Variants in PDE4B observed in about 807,000 individuals in gnomAD.
The protein encoded by PDE4B is phosphodiesterase 4B, also known as 3',5'-cyclic-AMP phosphodiesterase 4B.
PDE4B carries 20 observed loss-of-function variants against 82.2 expected under a neutral mutation model. The ratio of observed to expected loss-of-function variants is 0.24; its 90% CI spans 0.17 to 0.35. The LOEUF (loss-of-function observed/expected upper bound fraction) is 0.35. PDE4B is among the 10% of genes least tolerant of loss of function. The probability of loss-of-function intolerance (pLI) is 1.00; values close to 1 mark genes in which losing one functional copy is unlikely to be tolerated. For synonymous variants in PDE4B, 320 were observed against 318.9 expected, an observed-to-expected ratio of 1.00 and a Z score of -0.04; for missense variants, 655 against 907.2, an observed-to-expected ratio of 0.72 and a Z score of 3.57.
At chr1:66,074,286 A>C (rs1415050342) in intron 3 of PDE4B, among the ~76,000 whole-genome samples, 2 of 152,098 alleles carry the variant, frequency 1.3e-5, no homozygotes, top group African/African-American at 4.8e-5. Context: ...TTTTGTGAGG[A>C]ATTGTCAGGT....
chr1:66,250,054 A>G (rs1231364686), intron 4 of PDE4B, among the ~76,000 whole-genome samples: 1 of 152,238 alleles, frequency 6.6e-6, no homozygotes, highest in Non-Finnish European at 1.5e-5. Context: ...TTCTTCTAGT[A>G]ATTTAGTTTT....
intron 3 of PDE4B, among the ~76,000 whole-genome samples, chr1:65,943,084 C>G (rs1266618992): frequency 6.6e-6 from 1 of 151,828 alleles, no homozygotes; most frequent in Non-Finnish European, 1.5e-5. Context: ...AAAAGTATTA[C>G]CCAGACCAGT....
chr1:66,037,140 A>G (rs1385439157), intron 3 of PDE4B, among the ~76,000 whole-genome samples: 2 of 151,902 alleles, frequency 1.3e-5, no homozygotes, highest in Non-Finnish European at 2.9e-5. Context: ...AAAAAAAAAA[A>G]AAAGAAATAA....
chr1:65,987,670 T>A (rs530424163), intron 3 of PDE4B, among the ~76,000 whole-genome samples: 6 of 152,322 alleles, frequency 3.9e-5, no homozygotes, highest in South Asian at 4.1e-4. Context: ...TGGAGTGCAA[T>A]GGCACAATCT....
chr1:66,078,005 T>G (rs957028436), intron 3 of PDE4B, among the ~76,000 whole-genome samples: 32 of 152,202 alleles, frequency 2.1e-4, no homozygotes, highest in Admixed American at 6.5e-4. Flanking sequence ...AGTTAATTCA[T>G]GTAAAGCATT....
intron 3 of PDE4B, among the ~76,000 whole-genome samples, chr1:65,978,436 G>C (rs1462046079): frequency 2.0e-5 from 3 of 152,034 alleles, no homozygotes; most frequent in Non-Finnish European, 4.4e-5. Context: ...GAAACAGAAA[G>C]CCTGAAGGAA....
chr1:66,105,314 C>G (rs1570245765), intron 3 of PDE4B, among the ~76,000 whole-genome samples: 1 of 151,508 alleles, frequency 6.6e-6, no homozygotes, highest in African/African-American at 2.4e-5. Flanking sequence ...TGTTTTGGTA[C>G]CAGTACCATG....
intron 1 of PDE4B, among the ~76,000 whole-genome samples, chr1:65,883,808 CTTA>C (rs1282163362): frequency 6.6e-6 from 1 of 152,064 alleles, no homozygotes; most frequent in African/African-American, 2.4e-5. Flanking sequence ...ATAAATATCT[CTTA>C]TTATTTTGAG....
intron 3 of PDE4B, among the ~76,000 whole-genome samples, chr1:66,088,313 G>A (rs1280964908): frequency 6.6e-6 from 1 of 152,036 alleles, no homozygotes; most frequent in Non-Finnish European, 1.5e-5. Flanking sequence ...GTTTTAGGAT[G>A]ATGAGATCCA....
chr1:66,180,158 G>C (rs559655109), intron 3 of PDE4B, among the ~76,000 whole-genome samples: 1 of 152,276 alleles, frequency 6.6e-6, no homozygotes, highest in South Asian at 2.1e-4. Flanking sequence ...ACATGTGAAC[G>C]AATACATGTA....
chr1:65,800,413 C>T (rs1415732770), intron 1 of PDE4B, among the ~76,000 whole-genome samples: 1 of 152,004 alleles, frequency 6.6e-6, no homozygotes, highest in East Asian at 1.9e-4. Flanking sequence ...AGTTAATTTC[C>T]CTAGAAAGCA....
At chr1:66,166,461 C>G (rs1002961008) in intron 3 of PDE4B, among the ~76,000 whole-genome samples, 2 of 152,078 alleles carry the variant, frequency 1.3e-5, no homozygotes, top group African/African-American at 4.8e-5. Flanking sequence ...GGGGGCTGGG[C>G]GGGTTGGCTC....
chr1:66,257,413 C>T, intron 4 of PDE4B: 4 of 724,570 alleles, frequency 5.5e-6, no homozygotes, highest in South Asian at 2.8e-5. Flanking sequence ...CTTGCAAATG[C>T]TTTTATGTGT....
chr1:66,344,324 C>G (rs948133634), intron 8 of PDE4B, among the ~76,000 whole-genome samples: 11 of 152,170 alleles, frequency 7.2e-5, no homozygotes, highest in Admixed American at 5.9e-4. Flanking sequence ...CTTTCTTGTG[C>G]ATTGCATGGG....
chr1:65,810,930 C>T (rs1645811951), intron 1 of PDE4B, among the ~76,000 whole-genome samples: 1 of 152,070 alleles, frequency 6.6e-6, no homozygotes, highest in Admixed American at 6.6e-5. Context: ...GTTTCTCAAC[C>T]CCAGTGCAAT....
intron 3 of PDE4B, among the ~76,000 whole-genome samples, chr1:66,207,385 A>T (rs1649638570): frequency 6.6e-6 from 1 of 152,228 alleles, no homozygotes; most frequent in African/African-American, 2.4e-5. Context: ...TTATTTACAT[A>T]GATGATATTT....
intron 1 of PDE4B, among the ~76,000 whole-genome samples, chr1:65,844,133 G>A (rs1264975341): frequency 6.6e-6 from 1 of 152,162 alleles, no homozygotes; most frequent in African/African-American, 2.4e-5. Context: ...CATCTGAAGT[G>A]CCTGACATCT....
At chr1:66,267,046 A>C (rs933183057) in intron 7 of PDE4B, 1 of 155,798 alleles carries the variant, frequency 6.4e-6, no homozygotes, top group African/African-American at 2.4e-5. Flanking sequence ...GTATTACAAA[A>C]GCTTAGCTTC....
chr1:66,149,982 A>G (rs1033631432), intron 3 of PDE4B, among the ~76,000 whole-genome samples: 9 of 152,228 alleles, frequency 5.9e-5, no homozygotes, highest in African/African-American at 2.2e-4. Flanking sequence ...GTAGCCAGTT[A>G]TCTCCTCACC....
Sources: allele counts gnomAD v4.1 joint callset (sites outside exome capture counted in the v4.1 genomes callset), GRCh38; gene constraint gnomAD v4.1.1; transcripts MANE v1.5; gene names NCBI Gene and HGNC (gene_info 2026-07-23, HGNC 2026-07-21).